The following ZNF567 variants were observed in gnomAD, a reference collection of about 807,000 sequenced individuals.
ZNF567 encodes the protein zinc finger protein 567.
In ZNF567, 36 loss-of-function variants were observed where a neutral mutation model predicts 53.9. The ratio of observed to expected loss-of-function variants is 0.67; its 90% CI spans 0.51 to 0.88. ZNF567 has a LOEUF of 0.88. Among genes scored for constraint, ZNF567 ranks in the 40% least tolerant of loss-of-function variants. ZNF567 has a pLI of 0.00. For missense variants in ZNF567, 619 were observed against 764.7 expected (o/e 0.81, Z 2.25); for synonymous variants, 224 against 260.4 (o/e 0.86, Z 1.35).
At position 36,719,158 on chromosome 19, in the gene ZNF567, C is replaced by T; in HGVS notation, c.434C>T (p.Ser145Leu). The T allele has an allele frequency of 3.7e-6, 6 of 1,611,314 alleles. No homozygotes were observed. The highest frequency in any genetic ancestry group is 5.1e-6 in the Non-Finnish European group (6 of 1,179,284). ...DTHGRILKNVSELIISNLNPA... is the reference protein window; with the variant it reads ...DTHGRILKNVLELIISNLNPA... Reference sequence around the variant, plus strand: ...CATGGAAGGATTTTGAAAAATGTTTCAGAATTAATCATCAGTAATCTAAAT... The same window carrying T: ...CATGGAAGGATTTTGAAAAATGTTTTAGAATTAATCATCAGTAATCTAAAT... The change falls in exon 6 of 6, where the codon TCA becomes TTA. Residue 145 changes from serine to leucine, a missense_variant. By Grantham distance (145) the Ser-to-Leu change is moderately radical. Coordinates refer to ENST00000682579, the MANE Select transcript of ZNF567 (RefSeq NM_001322917.1).
intron 5 of ZNF567, among the ~76,000 whole-genome samples, chr19:36,715,725 C>T (rs1400997182): frequency 6.6e-6 from 1 of 151,458 alleles, no homozygotes; most frequent in African/African-American, 2.4e-5. Flanking sequence ...GATGGGGCTT[C>T]TCCATGTTGG....
chr19:36,723,217 A>G (rs890578024), downstream of ZNF567: 18 of 702,844 alleles, frequency 2.6e-5, no homozygotes, highest in Admixed American at 2.6e-4. Context: ...CTGGATGTTT[A>G]TCCTAGCGTC....
chr19:36,723,076 A>AT, downstream of ZNF567: 1 of 669,270 alleles, frequency 1.5e-6, no homozygotes, highest in Non-Finnish European at 2.7e-6. Context: ...GAACCCAAGG[A>AT]TTTTGTCATT....
intron 4 of ZNF567, 35 bp downstream of exon 4, chr19:36,712,547 G>T (rs2039844387): frequency 6.2e-7 from 1 of 1,613,192 alleles, no homozygotes; most frequent in Non-Finnish European, 8.5e-7. Flanking sequence ...TTAGTAGCAT[G>T]CACTTCCTCT....
chr19:36,719,286 G>T lies in ZNF567; in HGVS notation c.562G>T (p.Ala188Ser). ...HPEVKSHNQS[A>S]RAFSHNEVLM... Reference sequence around the variant, plus strand: ...TGAAGTCAAATCCCATAATCAAAGTGCCAGAGCTTTCAGTCATAATGAAGT... The same window carrying T: ...TGAAGTCAAATCCCATAATCAAAGTTCCAGAGCTTTCAGTCATAATGAAGT... The change falls in exon 6 of 6, where the codon GCC (alanine) becomes TCC (serine). Residue 188 changes from alanine to serine, a missense_variant. Ala to Ser is a moderately conservative substitution (Grantham distance 99). Coordinates refer to ENST00000682579, the MANE Select transcript of ZNF567 (RefSeq NM_001322917.1). 6.2e-7 allele frequency: 1 copy of T among 1,613,962 alleles called. No homozygotes were observed. Among genetic ancestry groups the T allele is most frequent in the Non-Finnish European group, 8.5e-7 (1 of 1,179,976 alleles).
chr19:36,694,278 G>T (rs3108185), intron 2 of ZNF567, among the ~76,000 whole-genome samples: 1 of 152,020 alleles, frequency 6.6e-6, no homozygotes, highest in Non-Finnish European at 1.5e-5. Context: ...AAATAAAAAT[G>T]ATAGAAAATG....
chr19:36,679,492 A>G, the ZNF567 span, among the ~76,000 whole-genome samples: 3 of 152,278 alleles, frequency 2.0e-5, no homozygotes, highest in Non-Finnish European at 4.4e-5. Context: ...GCAACCCCAC[A>G]AGGAATTGAC....
At position 36,695,209 on chromosome 19, in the gene ZNF567, A is replaced by G. The variant is rs185563402; in HGVS notation, c.9+333A>G. Among the ~76,000 whole-genome samples the G allele has an allele frequency of 6.2e-3, 938 of 150,588 alleles. 5 individuals are homozygous for G. The highest frequency in any genetic ancestry group is 0.011 in the South Asian group (50 of 4,744). On this transcript the variant is annotated intron_variant, in intron 3 of 5. Coordinates refer to ENST00000682579, the MANE Select transcript of ZNF567 (RefSeq NM_001322917.1). ...CAGCCAGCCTGGGCAACATAGAGAG[A>G]TCCTTGTCTCCACCAGAAATTAAAA... is the stretch of plus-strand genomic sequence containing the variant.
the ZNF567 span, among the ~76,000 whole-genome samples, chr19:36,677,198 G>A: frequency 4.9e-5 from 7 of 141,892 alleles, no homozygotes; most frequent in Non-Finnish European, 1.1e-4. Flanking sequence ...GGTGGCTCAC[G>A]CCTGTAATCC....
At chr19:36,706,330 G>A (rs751204212) in intron 3 of ZNF567, among the ~76,000 whole-genome samples, 2 of 152,168 alleles carry the variant, frequency 1.3e-5, no homozygotes, top group Non-Finnish European at 2.9e-5. Context: ...GCCTCGCTTT[G>A]TAGCCCAGGC....
At chr19:36,723,718 C>T (rs1355979214), downstream of ZNF567, among the ~76,000 whole-genome samples, 2 of 152,014 alleles carry the variant, frequency 1.3e-5, no homozygotes, top group African/African-American at 2.4e-5. Flanking sequence ...CCTGTAATCC[C>T]AGCTACTCGG....
chr19:36,688,400 G>A (rs532415560), intron 1 of ZNF567, among the ~76,000 whole-genome samples: 2 of 152,012 alleles, frequency 1.3e-5, no homozygotes, highest in African/African-American at 4.8e-5. Flanking sequence ...TGAGTATTGG[G>A]CATTTTATAT....
chr19:36,712,170 C>T (rs1303557741), intron 3 of ZNF567: 1 of 424,810 alleles, frequency 2.4e-6, no homozygotes, highest in Non-Finnish European at 4.4e-6. Flanking sequence ...CCTCAGCCTC[C>T]CATGTAACTG....
the ZNF567 span, among the ~76,000 whole-genome samples, chr19:36,670,487 C>T: frequency 6.6e-6 from 1 of 152,060 alleles, no homozygotes; most frequent in Admixed American, 6.5e-5. Context: ...TTTGGCCCTG[C>T]AGAAGACAAA....
intron 3 of ZNF567, 73 bp from the exon 4 acceptor site, chr19:36,712,313 G>C: frequency 6.7e-7 from 1 of 1,494,130 alleles, no homozygotes; most frequent in Non-Finnish European, 9.1e-7. Flanking sequence ...CTCCCAAAGT[G>C]CTGGGATTAC....
chr19:36,697,971 T>C (rs2038975521), intron 3 of ZNF567, among the ~76,000 whole-genome samples: 1 of 151,150 alleles, frequency 6.6e-6, no homozygotes, highest in Non-Finnish European at 1.5e-5. Flanking sequence ...ATGTGCACAA[T>C]GTGCAGGTTA....
At position 36,706,744 on chromosome 19, in the gene ZNF567, C is replaced by G. The variant is rs1212539950; in HGVS notation, c.10-5642C>G. 2.7e-5 allele frequency among the ~76,000 whole-genome samples: 4 copies of G among 146,550 alleles called. No homozygotes were observed. The East Asian group carries it at 8.3e-4, about 31-fold the overall frequency. On this transcript the variant is annotated intron_variant, in intron 3 of 5. Coordinates refer to ENST00000682579, the MANE Select transcript of ZNF567 (RefSeq NM_001322917.1). The stretch of plus-strand genomic sequence containing the variant: ...ACTGGAGGGCAGTGGTGCAATCAAC[C>G]TCCCAGGATCCAGCAATCCTCCCAC...
intron 5 of ZNF567, among the ~76,000 whole-genome samples, chr19:36,717,375 A>T (rs566128907): frequency 2.4e-4 from 37 of 152,300 alleles, no homozygotes; most frequent in African/African-American, 8.9e-4. Flanking sequence ...TCTAAAGATA[A>T]ATAGAAATAA....
chr19:36,690,873 A>G (rs1453434218), intron 2 of ZNF567, among the ~76,000 whole-genome samples: 1 of 152,204 alleles, frequency 6.6e-6, no homozygotes, highest in Non-Finnish European at 1.5e-5. Flanking sequence ...TGTAACACTG[A>G]GCAAGCCATG....
Sources: gnomAD v4.1 joint callset for allele counts (sites outside exome capture counted in the v4.1 genomes callset) on GRCh38, gnomAD v4.1.1 for gene constraint, MANE v1.5 for transcripts, NCBI Gene and HGNC (gene_info 2026-07-23, HGNC 2026-07-21) for gene names.